The following LRRC49 variants were observed in gnomAD, a reference collection of about 807,000 sequenced individuals.
LRRC49 encodes the protein leucine-rich repeat-containing protein 49.
Under a neutral mutation model 83.3 loss-of-function variants are expected in LRRC49, and 50 were observed. The ratio of observed to expected loss-of-function variants is 0.60; its 90% CI spans 0.48 to 0.76. The LOEUF is 0.76. Among genes scored for constraint, LRRC49 ranks in the 30% least tolerant of loss-of-function variants. The pLI is 0.00. For missense variants in LRRC49, 704 were observed against 809.1 expected (o/e 0.87, Z 1.58); for synonymous variants, 286 against 283.3 (o/e 1.01, Z -0.10).
chr15:70,895,008 G>C (rs141025843), intron 2 of LRRC49, among the ~76,000 whole-genome samples: 225 of 152,224 alleles, frequency 1.5e-3, no homozygotes, highest in African/African-American at 5.2e-3. Context: ...TTCTAGAGCT[G>C]TGTGCCTCAT....
At chr15:70,984,012 C>T (rs2037498318) in intron 10 of LRRC49, 82 bp from the exon 11 acceptor site, 1 of 984,184 alleles carries the variant, frequency 1.0e-6, no homozygotes, top group East Asian at 2.6e-5. Context: ...TATAAGAAGG[C>T]ACAAACAATA....
intron 2 of LRRC49, among the ~76,000 whole-genome samples, chr15:70,885,142 T>G (rs896795124): frequency 6.6e-6 from 1 of 152,096 alleles, no homozygotes; most frequent in African/African-American, 2.4e-5. Flanking sequence ...ATTAAAAGCT[T>G]AGAGGCAGAA....
chr15:70,920,531 G>C (rs918945000), intron 7 of LRRC49, among the ~76,000 whole-genome samples: 3 of 152,158 alleles, frequency 2.0e-5, no homozygotes, highest in Admixed American at 2.0e-4. Context: ...TTAGGACCTT[G>C]GGTCTGGTAA....
intron 11 of LRRC49, among the ~76,000 whole-genome samples, chr15:70,995,777 C>T (rs185124047): frequency 5.3e-5 from 8 of 152,210 alleles, no homozygotes; most frequent in Middle Eastern, 3.4e-3. Flanking sequence ...AAAATCATAG[C>T]GTCTTTATGG....
At chr15:70,952,485 G>A (rs987675821) in intron 8 of LRRC49, among the ~76,000 whole-genome samples, 1 of 151,914 alleles carries the variant, frequency 6.6e-6, no homozygotes, top group South Asian at 2.1e-4. Context: ...TTATTGTGCT[G>A]TTGTCCAAGT....
At chr15:71,045,918 C>T (rs1422343008) in intron 15 of LRRC49, among the ~76,000 whole-genome samples, 3 of 152,108 alleles carry the variant, frequency 2.0e-5, no homozygotes, top group Non-Finnish European at 2.9e-5. Context: ...GTGCTTAGCT[C>T]CCACTTATAA....
At chr15:70,909,140 C>T (rs889042917) in intron 5 of LRRC49, among the ~76,000 whole-genome samples, 15 of 152,146 alleles carry the variant, frequency 9.9e-5, no homozygotes, top group African/African-American at 1.7e-4. Context: ...TTCTTCAAAT[C>T]GGAGAACTTT....
chr15:70,913,827 TGTGA>T, intron 6 of LRRC49, among the ~76,000 whole-genome samples: 1 of 152,314 alleles, frequency 6.6e-6, no homozygotes, highest in Non-Finnish European at 1.5e-5. Flanking sequence ...TTTAAGAGTT[TGTGA>T]GTACTACCCA....
intron 6 of LRRC49, 145 bp downstream of exon 6, chr15:70,911,743 A>G (rs912316704): frequency 1.8e-6 from 1 of 559,030 alleles, no homozygotes; most frequent in Non-Finnish European, 3.2e-6. Context: ...AAGCTTATTT[A>G]TAGAAGATTT....
chr15:70,875,118 G>A (rs1264006820), intron 2 of LRRC49, among the ~76,000 whole-genome samples: 1 of 152,200 alleles, frequency 6.6e-6, no homozygotes, highest in Non-Finnish European at 1.5e-5. Context: ...CTGATCTTCA[G>A]TTTCTTCATC....
chr15:70,989,763 T>C (rs1259362493), intron 11 of LRRC49, among the ~76,000 whole-genome samples: 1 of 152,184 alleles, frequency 6.6e-6, no homozygotes, highest in Non-Finnish European at 1.5e-5. Flanking sequence ...TTTGTGGTTT[T>C]GTCTACTTTT....
intron 11 of LRRC49, among the ~76,000 whole-genome samples, chr15:70,990,819 C>A (rs1414433689): frequency 6.6e-6 from 1 of 152,154 alleles, no homozygotes; most frequent in Non-Finnish European, 1.5e-5. Flanking sequence ...GTTTTTCTGC[C>A]CTAACACCAA....
At chr15:70,984,472 G>C (rs1472163650) in intron 11 of LRRC49, 2 of 409,298 alleles carry the variant, frequency 4.9e-6, no homozygotes, top group South Asian at 4.8e-5. Flanking sequence ...ATTTTTTATA[G>C]GGAAAAGTCT....
At chr15:70,943,600 T>A (rs972049506) in intron 8 of LRRC49, among the ~76,000 whole-genome samples, 1 of 152,198 alleles carries the variant, frequency 6.6e-6, no homozygotes, top group Non-Finnish European at 1.5e-5. Context: ...ATGCACAGTG[T>A]GTTTACTGGA....
intron 10 of LRRC49, among the ~76,000 whole-genome samples, chr15:70,981,857 T>C (rs2037410984): frequency 6.6e-6 from 1 of 151,438 alleles, no homozygotes; most frequent in African/African-American, 2.4e-5. Context: ...CCTTGCAGAA[T>C]CTCTAGCATT....
intron 8 of LRRC49, among the ~76,000 whole-genome samples, chr15:70,945,636 G>T (rs1284775167): frequency 2.7e-5 from 4 of 146,986 alleles, no homozygotes; most frequent in African/African-American, 7.5e-5. Context: ...TAGTATTAAA[G>T]ATGTTTTTTT....
chr15:70,939,501 C>T lies in LRRC49; in HGVS notation c.773+2679C>T, dbSNP rs543626955. ...TCTCTTGGCAGTTGTTTTGGGCTTC[C>T]AGGTTAATTTGCTGATTTGTCAGTA... On this transcript the variant is annotated intron_variant, in intron 8 of 15. Transcript: ENST00000260382. Among the ~76,000 whole-genome samples the T allele has an allele frequency of 2.6e-4, 39 of 152,140 alleles. No individual in the cohort carries two copies. The South Asian group carries it at 5.8e-3, about 23-fold the overall frequency.
At chr15:70,884,352 G>A (rs547660518) in intron 2 of LRRC49, among the ~76,000 whole-genome samples, 4 of 152,040 alleles carry the variant, frequency 2.6e-5, no homozygotes, top group African/African-American at 4.8e-5. Context: ...AGCCAACATC[G>A]TGAAACCCCA....
rs1474588452 is a variant in LRRC49 at position 71,051,241 on chromosome 15, A to G, written c.*1629A>G. On this transcript the variant is annotated 3_prime_UTR_variant, in exon 16 of 16. Coordinates refer to ENST00000260382, the MANE Select transcript of LRRC49 (RefSeq NM_017691.5). ...ACTTCGTAAGATAGTCATGAGAATCAAAAGAAACAATGCATGTAAAGCATT... is the reference window on the plus strand; with the variant it reads ...ACTTCGTAAGATAGTCATGAGAATCGAAAGAAACAATGCATGTAAAGCATT... The G allele has an allele frequency of 6.6e-6, 1 of 152,228 alleles. No individual in the cohort carries two copies. Among genetic ancestry groups the G allele is most frequent in the Non-Finnish European group, 1.5e-5 (1 of 68,054 alleles). 9.4% of individuals were successfully genotyped at this position (152,228 alleles called of 1,614,324 possible).
Sources: gnomAD v4.1 joint callset for allele counts (sites outside exome capture counted in the v4.1 genomes callset) on GRCh38, gnomAD v4.1.1 for gene constraint, MANE v1.5 for transcripts, NCBI Gene and HGNC (gene_info 2026-07-23, HGNC 2026-07-21) for gene names.